The following PTPRG variants were observed in gnomAD, a reference collection of about 807,000 sequenced individuals.
The protein encoded by PTPRG is protein tyrosine phosphatase receptor type G, also known as receptor-type tyrosine-protein phosphatase gamma.
In PTPRG, 102 loss-of-function variants were observed where a neutral mutation model predicts 165.3. That is an observed-to-expected ratio of 0.62 (90% CI 0.53 to 0.73). The LOEUF (loss-of-function observed/expected upper bound fraction) is 0.73. Among genes scored for constraint, PTPRG ranks in the 30% least tolerant of loss-of-function variants. The pLI, the probability that PTPRG is intolerant of heterozygous loss-of-function variation, is 0.00. For missense variants in PTPRG, 1,866 were observed against 1,861.4 expected, an observed-to-expected ratio of 1.00 and a Z score of -0.05; for synonymous variants, 675 against 669.5, an observed-to-expected ratio of 1.01 and a Z score of -0.13.
intron 1 of PTPRG, among the ~76,000 whole-genome samples, chr3:61,719,494 T>C (rs1340275466): frequency 6.6e-6 from 1 of 152,102 alleles, no homozygotes; most frequent in African/African-American, 2.4e-5. Context: ...CCACTGCCAG[T>C]TTTCCTCTGT....
chr3:61,940,270 G>A (rs957647681), intron 2 of PTPRG, among the ~76,000 whole-genome samples: 7 of 152,038 alleles, frequency 4.6e-5, no homozygotes, highest in African/African-American at 1.7e-4. Flanking sequence ...TTTTAATGTG[G>A]TTGCATTACT....
chr3:62,273,850 G>C lies in PTPRG; in HGVS notation c.3465+6G>C. The C allele has an allele frequency of 6.2e-7, 1 of 1,611,596 alleles. No individual in the cohort carries two copies. Among genetic ancestry groups the C allele is most frequent in the Non-Finnish European group, 8.5e-7 (1 of 1,178,520 alleles). On this transcript the variant is annotated splice_donor_region_variant and intron_variant, in intron 23 of 29. Coordinates refer to ENST00000474889, the MANE Select transcript of PTPRG (RefSeq NM_002841.4). The surrounding 1 kb of genome is among the most constrained non-coding windows in gnomAD (Gnocchi z 4.1). The stretch of plus-strand genomic sequence containing the variant: ...GACTGGAAAAGCAATTCAAGGTAGT[G>C]CTTTGAAAAAGTTTCTTTGGCATAA...
chr3:61,789,310 C>T (rs144000413), intron 2 of PTPRG, among the ~76,000 whole-genome samples: 6 of 152,190 alleles, frequency 3.9e-5, no homozygotes, highest in African/African-American at 1.2e-4. Context: ...CTGTGTTGCC[C>T]AGGCTGGTCT....
chr3:62,058,652 G>A (rs12715576), intron 4 of PTPRG, among the ~76,000 whole-genome samples: 66,183 of 151,834 alleles, frequency 0.44, 15,228 homozygotes, highest in Middle Eastern at 0.54. Context: ...GGTCTGTCCC[G>A]GGAAGCAGTG....
chr3:61,566,234 T>TTTGAG (rs1699910889), intron 1 of PTPRG, among the ~76,000 whole-genome samples: 1 of 152,226 alleles, frequency 6.6e-6, no homozygotes, highest in Non-Finnish European at 1.5e-5. Context: ...CTCCCATTAA[T>TTTGAG]TATGGACCTG....
In PTPRG at chr3:62,214,695, T is replaced by C. The variant is rs1358590029; in HGVS notation, c.2156-4156T>C. On this transcript the variant is annotated intron_variant, in intron 12 of 29. Transcript: ENST00000474889. The surrounding 1 kb of genome is among the most constrained non-coding windows in gnomAD (Gnocchi z 5.2). ...GTGGTGGTACTTGTCATTTGCTTGATGCCAGGCACACTTCTAGGTGCTTAC... is the reference window on the plus strand; with the variant it reads ...GTGGTGGTACTTGTCATTTGCTTGACGCCAGGCACACTTCTAGGTGCTTAC... 3.3e-5 allele frequency among the ~76,000 whole-genome samples: 5 copies of C among 152,216 alleles called. No individual in the cohort carries two copies. Among genetic ancestry groups the C allele is most frequent in the East Asian group, 1.9e-4 (1 of 5,192 alleles).
intron 29 of PTPRG, 122 bp downstream of exon 29, chr3:62,292,678 GGA>G: frequency 8.3e-7 from 1 of 1,203,476 alleles, no homozygotes; most frequent in Non-Finnish European, 1.2e-6. Flanking sequence ...GGCCATGTCT[GGA>G]GACTTTTTTG....
chr3:61,705,594 T>C lies in PTPRG; in HGVS notation c.86-43284T>C, dbSNP rs1163618841. Among the ~76,000 whole-genome samples, 7 of 152,336 alleles carry C rather than the reference T, an allele frequency of 4.6e-5. No homozygotes were observed. The East Asian group carries it at 1.2e-3, about 25-fold the overall frequency. On this transcript the variant is annotated intron_variant, in intron 1 of 29. Coordinates refer to ENST00000474889, the MANE Select transcript of PTPRG (RefSeq NM_002841.4). ...ACCAAAGGAGTAGGAGGTGTATAAC[T>C]GTGCAATAAAGAAGAGTCATTGATG...
chr3:61,689,366 G>T (rs181412164), intron 1 of PTPRG, among the ~76,000 whole-genome samples: 48 of 152,254 alleles, frequency 3.2e-4, no homozygotes, highest in Non-Finnish European at 2.8e-4. Flanking sequence ...AAGTCTAGAA[G>T]AATTTTCAAT....
At chr3:62,085,310 T>C (rs979393760) in intron 5 of PTPRG, among the ~76,000 whole-genome samples, 2 of 145,884 alleles carry the variant, frequency 1.4e-5, no homozygotes, top group African/African-American at 2.7e-5. Context: ...CTTGAGCTGG[T>C]CAAGGACATT....
chr3:61,710,696 G>T lies in PTPRG; in HGVS notation c.86-38182G>T, dbSNP rs557014037. 5.9e-5 allele frequency among the ~76,000 whole-genome samples: 9 copies of T among 152,042 alleles called. No individual in the cohort carries two copies. In the East Asian group the frequency reaches 1.5e-3, roughly 26 times the overall value. On this transcript the variant is annotated intron_variant, in intron 1 of 29. Transcript: ENST00000474889. ...CCAAGACACAGTCCTTCTTTTTCCAGTGTGGCCGAGGGAAGCTAAAAGATT... is the reference window on the plus strand; with the variant it reads ...CCAAGACACAGTCCTTCTTTTTCCATTGTGGCCGAGGGAAGCTAAAAGATT...
intron 2 of PTPRG, among the ~76,000 whole-genome samples, chr3:61,802,789 A>G (rs1030287575): frequency 3.9e-5 from 6 of 152,140 alleles, no homozygotes; most frequent in African/African-American, 1.4e-4. Context: ...TGAGAAGGCC[A>G]GTTAGATTTC....
chr3:62,187,068 TA>T (rs1699676480), intron 8 of PTPRG, among the ~76,000 whole-genome samples: 1 of 152,376 alleles, frequency 6.6e-6, no homozygotes, highest in African/African-American at 2.4e-5. Context: ...GAGAGCCCAC[TA>T]CGTGCCAGGC....
chr3:62,099,333 C>G (rs1014045840), intron 5 of PTPRG, among the ~76,000 whole-genome samples: 1 of 152,130 alleles, frequency 6.6e-6, no homozygotes, highest in Admixed American at 6.5e-5. Flanking sequence ...TCGCTACTTC[C>G]TAGTCTTTCA....
At chr3:61,687,659 G>A (rs577789649) in intron 1 of PTPRG, among the ~76,000 whole-genome samples, 3 of 152,360 alleles carry the variant, frequency 2.0e-5, no homozygotes, top group Non-Finnish European at 4.4e-5. Context: ...TATATTTTAA[G>A]TAAGGCTTTG....
chr3:62,170,339 G>C (rs1009673610), intron 8 of PTPRG, among the ~76,000 whole-genome samples: 8 of 152,152 alleles, frequency 5.3e-5, no homozygotes, highest in African/African-American at 1.9e-4. Flanking sequence ...GATTTTGTGA[G>C]AGTTATATGC....
At chr3:62,242,272 T>G (rs759550449) in intron 14 of PTPRG, among the ~76,000 whole-genome samples, 2 of 152,226 alleles carry the variant, frequency 1.3e-5, no homozygotes, top group Non-Finnish European at 2.9e-5. Flanking sequence ...CAAAGAGTGA[T>G]GAAAACTTGT....
In PTPRG at chr3:61,585,301, A is replaced by G. The variant is rs377409666; in HGVS notation, c.85+22929A>G. Among the ~76,000 whole-genome samples the G allele has an allele frequency of 5.7e-3, 862 of 150,904 alleles. 6 individuals carry two copies. Among genetic ancestry groups the G allele is most frequent in the African/African-American group, 0.02 (811 of 41,116 alleles). On this transcript the variant is annotated intron_variant, in intron 1 of 29. Coordinates refer to ENST00000474889, the MANE Select transcript of PTPRG (RefSeq NM_002841.4). Reference sequence around the variant, plus strand: ...GTCTCAAAAAAAAAAAAAAAAAAGAAAAAGGAAGAAAAGAAAATAGGGGAA... The same window carrying G: ...GTCTCAAAAAAAAAAAAAAAAAAGAGAAAGGAAGAAAAGAAAATAGGGGAA...
intron 4 of PTPRG, 67 bp from the exon 5 acceptor site, chr3:62,078,096 C>G: frequency 3.9e-6 from 4 of 1,038,392 alleles, no homozygotes; most frequent in East Asian, 5.5e-5. Context: ...ATTTATGGTA[C>G]TATTCTCTCA....
Sources: gnomAD v4.1 joint callset for allele counts (sites outside exome capture counted in the v4.1 genomes callset) on GRCh38, gnomAD v4.1.1 for gene constraint, Gnocchi (gnomAD v3.1) non-coding constraint, MANE v1.5 for transcripts, NCBI Gene and HGNC (gene_info 2026-07-23, HGNC 2026-07-21) for gene names.